The following TOX3 variants were observed in gnomAD, a reference collection of about 807,000 sequenced individuals.
The protein encoded by TOX3 is CAG trinucleotide repeat-containing gene F9 protein.
Under a neutral mutation model 64.3 loss-of-function variants are expected in TOX3, and 22 were observed. The observed-to-expected ratio is 0.34, with a 90% CI of 0.24 to 0.49. TOX3 has a LOEUF of 0.49. TOX3 is among the 20% of genes least tolerant of loss of function. The pLI, the probability that TOX3 is intolerant of heterozygous loss-of-function variation, is 0.99. For synonymous variants in TOX3, 291 were observed against 273.6 expected (o/e 1.06, Z -0.63); for missense variants, 661 against 714.4 (o/e 0.93, Z 0.85).
At chr16:52,537,829 C>T (rs887053871) in intron 1 of TOX3, among the ~76,000 whole-genome samples, 1 of 144,476 alleles carries the variant, frequency 6.9e-6, no homozygotes, top group Admixed American at 7.2e-5. Context: ...TAACTTGGAG[C>T]TGCTGCTGGA....
chr16:52,505,373 C>T (rs1262928117), intron 1 of TOX3, among the ~76,000 whole-genome samples: 1 of 152,120 alleles, frequency 6.6e-6, no homozygotes, highest in Non-Finnish European at 1.5e-5. Context: ...CTGGTTAATC[C>T]ATTTCTTCAG....
intron 1 of TOX3, among the ~76,000 whole-genome samples, chr16:52,541,205 G>A (rs1336565311): frequency 6.6e-6 from 1 of 152,096 alleles, no homozygotes; most frequent in African/African-American, 2.4e-5. Flanking sequence ...GAGAAACACT[G>A]CCCTACAAAA....
intron 3 of TOX3, among the ~76,000 whole-genome samples, chr16:52,454,838 AT>A (rs1182382507): frequency 3.3e-5 from 5 of 152,338 alleles, no homozygotes; most frequent in African/African-American, 1.2e-4. Flanking sequence ...GGATGAACAA[AT>A]TTACTACAAC....
intron 1 of TOX3, among the ~76,000 whole-genome samples, chr16:52,520,115 T>C (rs1369336754): frequency 6.6e-6 from 1 of 152,112 alleles, no homozygotes; most frequent in African/African-American, 2.4e-5. Context: ...TTATGAAATA[T>C]GGGTATATAA....
At chr16:52,530,089 T>C (rs1213599710) in intron 1 of TOX3, among the ~76,000 whole-genome samples, 5 of 152,204 alleles carry the variant, frequency 3.3e-5, no homozygotes, top group African/African-American at 4.8e-5. Context: ...TCCTTAGATA[T>C]ATTATTTCTT....
intron 1 of TOX3, among the ~76,000 whole-genome samples, chr16:52,504,239 G>A (rs1962090004): frequency 6.6e-6 from 1 of 152,052 alleles, no homozygotes; most frequent in African/African-American, 2.4e-5. Flanking sequence ...GGCTGAGGCA[G>A]GCGGATCACT....
At chr16:52,469,047 C>G (rs945948274) in intron 1 of TOX3, among the ~76,000 whole-genome samples, 2 of 152,260 alleles carry the variant, frequency 1.3e-5, no homozygotes. Context: ...ATTCTATTTT[C>G]TAGTGAATGG....
intron 1 of TOX3, among the ~76,000 whole-genome samples, chr16:52,532,637 G>A (rs535413587): frequency 3.3e-5 from 5 of 152,270 alleles, no homozygotes; most frequent in South Asian, 2.1e-4. Context: ...GTTTAGAGGC[G>A]GTTTATCACT....
At chr16:52,474,867 C>A (rs1296003677) in intron 1 of TOX3, among the ~76,000 whole-genome samples, 1 of 152,134 alleles carries the variant, frequency 6.6e-6, no homozygotes, top group South Asian at 2.1e-4. Context: ...TGCCCCATTT[C>A]TTCTTACCTT....
chr16:52,530,698 C>T (rs1211678889), intron 1 of TOX3, among the ~76,000 whole-genome samples: 1 of 150,836 alleles, frequency 6.6e-6, no homozygotes, highest in African/African-American at 2.4e-5. Context: ...TCTTTTTCCT[C>T]TCTACAACTG....
At chr16:52,441,056 CT>C (rs931890151) in intron 6 of TOX3, among the ~76,000 whole-genome samples, 3 of 152,138 alleles carry the variant, frequency 2.0e-5, no homozygotes, top group African/African-American at 7.2e-5. Flanking sequence ...GCCACTACCC[CT>C]GGCCAGGTTA....
In TOX3 at chr16:52,486,020, T is replaced by C. The variant is rs567176712; in HGVS notation, c.88-17446A>G. ...CCAAAGCACGGGTGCATTTTAAACATTGTTGGGGTTGAGGTGCCAAGAGAT... is the reference window on the plus strand; with the variant it reads ...CCAAAGCACGGGTGCATTTTAAACACTGTTGGGGTTGAGGTGCCAAGAGAT... On this transcript the variant is annotated intron_variant, in intron 1 of 6. Coordinates refer to ENST00000219746, the MANE Select transcript of TOX3 (RefSeq NM_001080430.4). Among the ~76,000 whole-genome samples, 5 of 152,194 alleles carry C rather than the reference T, an allele frequency of 3.3e-5. No individual in the cohort carries two copies. In the East Asian group the frequency reaches 9.7e-4, roughly 29 times the overall value.
intron 1 of TOX3, among the ~76,000 whole-genome samples, chr16:52,529,283 A>G (rs1962795799): frequency 6.6e-6 from 1 of 152,210 alleles, no homozygotes; most frequent in African/African-American, 2.4e-5. Context: ...AATTGTATCC[A>G]CCTTTATAAA....
intron 1 of TOX3, among the ~76,000 whole-genome samples, chr16:52,499,744 T>C (rs571638378): frequency 6.6e-6 from 1 of 152,332 alleles, no homozygotes; most frequent in South Asian, 2.1e-4. Context: ...GAAAATATGT[T>C]TTCCCTATGG....
intron 1 of TOX3, among the ~76,000 whole-genome samples, chr16:52,494,654 T>C (rs2151460155): frequency 6.6e-6 from 1 of 152,334 alleles, no homozygotes; most frequent in East Asian, 1.9e-4. Flanking sequence ...TAACAAAAAC[T>C]TCCACTCAAG....
At chr16:52,503,780 T>C (rs1174079042) in intron 1 of TOX3, among the ~76,000 whole-genome samples, 2 of 152,252 alleles carry the variant, frequency 1.3e-5, no homozygotes, top group Non-Finnish European at 2.9e-5. Context: ...AATGTGTTTA[T>C]GGTAACAACA....
intron 1 of TOX3, among the ~76,000 whole-genome samples, chr16:52,480,356 T>A (rs1961335950): frequency 1.3e-5 from 2 of 152,190 alleles, no homozygotes; most frequent in African/African-American, 4.8e-5. Flanking sequence ...ATCTGAGTTA[T>A]TTTCCTTGTA....
intron 1 of TOX3, among the ~76,000 whole-genome samples, chr16:52,507,317 T>C (rs1183690326): frequency 6.6e-6 from 1 of 152,178 alleles, no homozygotes; most frequent in African/African-American, 2.4e-5. Flanking sequence ...TCCCACCATT[T>C]TGGTAGGCCA....
intron 1 of TOX3, among the ~76,000 whole-genome samples, chr16:52,504,604 A>T (rs953031373): frequency 2.0e-5 from 3 of 152,228 alleles, no homozygotes; most frequent in Admixed American, 6.5e-5. Flanking sequence ...TGACATTTCA[A>T]AGCAGAGATG....
Sources: allele counts gnomAD v4.1 joint callset (sites outside exome capture counted in the v4.1 genomes callset), GRCh38; gene constraint gnomAD v4.1.1; transcripts MANE v1.5; gene names NCBI Gene and HGNC (gene_info 2026-07-23, HGNC 2026-07-21).